Variants in FSTL5 observed in about 807,000 individuals in gnomAD.
FSTL5 encodes follistatin-related protein 5.
A neutral mutation model predicts 89.1 loss-of-function variants in FSTL5; 62 were observed. That is an observed-to-expected ratio of 0.70 (90% CI 0.57 to 0.86). The LOEUF is 0.86. Among genes scored for constraint, FSTL5 ranks in the 40% least tolerant of loss-of-function variants. The pLI is 0.00. For synonymous variants in FSTL5, 383 were observed against 346.2 expected (o/e 1.11, Z -1.18); for missense variants, 1,057 against 1,001.6 (o/e 1.06, Z -0.75).
intron 1 of FSTL5, among the ~76,000 whole-genome samples, chr4:162,139,454 CCA>C (rs140005000): frequency 6.3e-4 from 95 of 149,666 alleles, no homozygotes; most frequent in African/African-American, 1.9e-3. Context: ...ACACACACGC[CCA>C]CACACACACA....
At chr4:161,446,906 G>T (rs1732965717) in intron 15 of FSTL5, among the ~76,000 whole-genome samples, 2 of 151,902 alleles carry the variant, frequency 1.3e-5, no homozygotes, top group Non-Finnish European at 2.9e-5. Flanking sequence ...GGTAAAGTAA[G>T]TGTGATTTAC....
Position 161,404,233 on chromosome 4 carries a change from T to G in FSTL5, c.1842-17784A>C, listed in dbSNP as rs575912012. ...TGAAAAATTATCAAGAGGCAAATGATGAAGCTACTGAAGCGTGGGTCAATT... is the reference window on the plus strand; with the variant it reads ...TGAAAAATTATCAAGAGGCAAATGAGGAAGCTACTGAAGCGTGGGTCAATT... On this transcript the variant is annotated intron_variant, in intron 15 of 15. Transcript: ENST00000306100. Among the ~76,000 whole-genome samples the G allele has an allele frequency of 3.3e-5, 5 of 152,290 alleles. No individual in the cohort carries two copies. The East Asian group carries it at 9.7e-4, about 29-fold the overall frequency.
At chr4:161,690,306 ATATTT>A (rs1247015670) in intron 6 of FSTL5, among the ~76,000 whole-genome samples, 1 of 152,278 alleles carries the variant, frequency 6.6e-6, no homozygotes, top group African/African-American at 2.4e-5. Flanking sequence ...TTGTTAGATA[ATATTT>A]TATTTTATTT....
intron 4 of FSTL5, among the ~76,000 whole-genome samples, chr4:161,917,271 C>T (rs1439421046): frequency 1.3e-5 from 2 of 152,102 alleles, no homozygotes; most frequent in Non-Finnish European, 2.9e-5. Context: ...TAAGTTTAAA[C>T]ATAAATGCCA....
intron 7 of FSTL5, among the ~76,000 whole-genome samples, chr4:161,647,093 C>T (rs868700472): frequency 2.8e-4 from 42 of 152,224 alleles, no homozygotes; most frequent in Middle Eastern, 6.8e-3. Flanking sequence ...TGCCATGAGG[C>T]TTTTCCCTTA....
chr4:161,622,245 T>C (rs1252967441), intron 7 of FSTL5, among the ~76,000 whole-genome samples: 3 of 152,068 alleles, frequency 2.0e-5, no homozygotes, highest in African/African-American at 7.2e-5. Flanking sequence ...GTATTTATTA[T>C]TAAAATCTTT....
intron 4 of FSTL5, among the ~76,000 whole-genome samples, chr4:161,915,986 T>C (rs1238118979): frequency 6.6e-6 from 1 of 151,788 alleles, no homozygotes; most frequent in Non-Finnish European, 1.5e-5. Context: ...TTTTTTAGCC[T>C]AAATTCTACA....
At chr4:161,689,893 T>G (rs966421367) in intron 6 of FSTL5, among the ~76,000 whole-genome samples, 1 of 152,140 alleles carries the variant, frequency 6.6e-6, no homozygotes, top group Non-Finnish European at 1.5e-5. Context: ...ATAAAAGAAA[T>G]CATCCAATAT....
At chr4:161,508,585 C>A (rs969715910) in intron 11 of FSTL5, among the ~76,000 whole-genome samples, 1 of 151,964 alleles carries the variant, frequency 6.6e-6, no homozygotes, top group African/African-American at 2.4e-5. Context: ...AGAAAATAAT[C>A]TGGATTTATA....
At chr4:162,110,221 AG>A (rs919021504) in intron 2 of FSTL5, among the ~76,000 whole-genome samples, 1 of 152,016 alleles carries the variant, frequency 6.6e-6, no homozygotes, top group African/African-American at 2.4e-5. Context: ...GTGTGCATTT[AG>A]AAAATTCCTT....
intron 3 of FSTL5, among the ~76,000 whole-genome samples, chr4:161,930,724 T>C (rs945134307): frequency 5.9e-5 from 9 of 151,870 alleles, no homozygotes; most frequent in African/African-American, 2.2e-4. Context: ...GCTTCAACTC[T>C]CTACCTCTCT....
chr4:161,829,194 T>G (rs1196590997), intron 4 of FSTL5, among the ~76,000 whole-genome samples: 1 of 147,846 alleles, frequency 6.8e-6, no homozygotes, highest in Admixed American at 6.8e-5. Context: ...ATATTAAATA[T>G]AGTCTATGTT....
At chr4:162,004,474 C>T (rs539193425) in intron 3 of FSTL5, among the ~76,000 whole-genome samples, 1 of 152,240 alleles carries the variant, frequency 6.6e-6, no homozygotes, top group East Asian at 1.9e-4. Flanking sequence ...GATCCAGTCA[C>T]ATGCGTCTTC....
intron 2 of FSTL5, among the ~76,000 whole-genome samples, chr4:162,095,754 T>C (rs924913121): frequency 3.3e-5 from 5 of 151,982 alleles, no homozygotes; most frequent in Non-Finnish European, 5.9e-5. Context: ...CATAGTTACT[T>C]AGAACATCAA....
chr4:161,926,654 CAG>C (rs1173679041), intron 3 of FSTL5, among the ~76,000 whole-genome samples: 1 of 151,710 alleles, frequency 6.6e-6, no homozygotes, highest in Non-Finnish European at 1.5e-5. Flanking sequence ...GAAAGCAGAA[CAG>C]AGTGTGATGC....
intron 6 of FSTL5, among the ~76,000 whole-genome samples, chr4:161,687,355 T>C (rs532359202): frequency 6.6e-6 from 1 of 152,350 alleles, no homozygotes; most frequent in African/African-American, 2.4e-5. Flanking sequence ...TACTATTTCT[T>C]TAATTACTTT....
chr4:162,051,797 A>G (rs929721728), intron 2 of FSTL5, among the ~76,000 whole-genome samples: 3 of 151,574 alleles, frequency 2.0e-5, no homozygotes, highest in African/African-American at 7.2e-5. Context: ...GCACCACATG[A>G]TGAAATTCAT....
chr4:161,551,769 A>G (rs1732222718), intron 8 of FSTL5, among the ~76,000 whole-genome samples: 1 of 151,986 alleles, frequency 6.6e-6, no homozygotes, highest in Non-Finnish European at 1.5e-5. Context: ...GTGCTGGGAA[A>G]ACTGGCTAGC....
At chr4:161,613,828 A>C (rs568290971) in intron 7 of FSTL5, among the ~76,000 whole-genome samples, 22 of 152,332 alleles carry the variant, frequency 1.4e-4, no homozygotes, top group African/African-American at 5.3e-4. Context: ...AAAGTACCTA[A>C]ATCTAAAAGT....
Sources: gnomAD v4.1 joint callset for allele counts (sites outside exome capture counted in the v4.1 genomes callset) on GRCh38, gnomAD v4.1.1 for gene constraint, MANE v1.5 for transcripts, NCBI Gene and HGNC (gene_info 2026-07-23, HGNC 2026-07-21) for gene names.